Variants in FRY observed in about 807,000 individuals in gnomAD.
FRY encodes FRY microtubule binding protein, also known as protein furry homolog.
In FRY, 128 loss-of-function variants were observed where a neutral mutation model predicts 348.4. That is an observed-to-expected ratio of 0.37 (90% CI 0.32 to 0.43). The LOEUF (loss-of-function observed/expected upper bound fraction) is 0.43. FRY is among the 20% of genes least tolerant of loss of function. The pLI, the probability that FRY is intolerant of heterozygous loss-of-function variation, is 1.00. For synonymous variants in FRY, 1,370 were observed against 1,374.7 expected (o/e 1.00, Z 0.08); for missense variants, 2,736 against 3,695.2 (o/e 0.74, Z 6.73).
At chr13:32,244,248 C>G in intron 47 of FRY, 66 bp downstream of exon 47, 1 of 1,464,388 alleles carries the variant, frequency 6.8e-7, no homozygotes, top group Non-Finnish European at 9.6e-7. Context: ...TTTCCTGTAG[C>G]TTGGCTACAA....
chr13:32,267,676 C>T (rs553143956), intron 55 of FRY, among the ~76,000 whole-genome samples: 7 of 152,260 alleles, frequency 4.6e-5, no homozygotes, highest in Admixed American at 4.6e-4. Context: ...GGCCTATCCT[C>T]CATCCCACCC....
intron 36 of FRY, among the ~76,000 whole-genome samples, chr13:32,219,314 C>T (rs976231133): frequency 1.3e-5 from 2 of 149,136 alleles, no homozygotes; most frequent in African/African-American, 2.4e-5. Flanking sequence ...TGGTCTCGAT[C>T]TCCTGACCTC....
intron 20 of FRY, among the ~76,000 whole-genome samples, chr13:32,175,965 G>C (rs1365141493): frequency 6.6e-6 from 1 of 152,092 alleles, no homozygotes; most frequent in Non-Finnish European, 1.5e-5. Context: ...TACTTAATAT[G>C]TAACTTCTAT....
chr13:32,254,950 T>G (rs529992776), intron 51 of FRY, among the ~76,000 whole-genome samples: 10 of 152,292 alleles, frequency 6.6e-5, no homozygotes, highest in African/African-American at 2.2e-4. Context: ...TTCTAGACAC[T>G]GGAGCAGCCA....
chr13:32,092,939 A>G (rs374222714), intron 2 of FRY, among the ~76,000 whole-genome samples: 1 of 152,234 alleles, frequency 6.6e-6, no homozygotes. Context: ...AGATTTTAAC[A>G]GTGATGATAA....
At chr13:32,175,776 G>C in intron 20 of FRY, 144 bp downstream of exon 20, 2 of 652,106 alleles carry the variant, frequency 3.1e-6, no homozygotes, top group Non-Finnish European at 5.6e-6. Context: ...GATAAGACTA[G>C]TTTTTCAGAT....
chr13:32,201,615 T>C (rs1303721690), intron 29 of FRY, among the ~76,000 whole-genome samples: 1 of 126,240 alleles, frequency 7.9e-6, no homozygotes, highest in East Asian at 2.0e-4. Context: ...CACTTGTTGG[T>C]TTGCATTAAA....
In FRY at chr13:32,254,595, G is replaced by A. The variant is rs78899952; in HGVS notation, c.7416+201G>A. Among the ~76,000 whole-genome samples the A allele has an allele frequency of 4.2e-3, 644 of 152,104 alleles. 2 individuals are homozygous for A. Among genetic ancestry groups the A allele is most frequent in the African/African-American group, 0.015 (606 of 41,488 alleles). On this transcript the variant is annotated intron_variant, in intron 51 of 60. Transcript: ENST00000542859. ...CCACACCCTTCCTGTCTGAGCCCAC[G>A]GCAAAAGCTGCCAAGTTATTTCTAA...
Position 32,147,827 on chromosome 13 carries a change from C to T in FRY, c.1284-12C>T, listed in dbSNP as rs766026988. 2.6e-6 allele frequency: 4 copies of T among 1,515,500 alleles called. No homozygotes were observed. In the African/African-American group the frequency reaches 4.1e-5, roughly 16 times the overall value. 93.9% of individuals were successfully genotyped at this position (1,515,500 alleles called of 1,614,324 possible). A position where few individuals can be genotyped will look rare whatever the true frequency, so the allele number is the denominator to read the frequency against. ...ATCTTGCTTGTTTTCTCTTTTCCCC[C>T]TTATCTTTCAGCCGACTTATAACCA... On this transcript the variant is annotated splice_polypyrimidine_tract_variant and intron_variant, in intron 12 of 60. Coordinates refer to ENST00000542859, the MANE Select transcript of FRY (RefSeq NM_023037.3).
intron 17 of FRY, among the ~76,000 whole-genome samples, chr13:32,162,773 C>A (rs1881525029): frequency 6.6e-6 from 1 of 152,158 alleles, no homozygotes; most frequent in Non-Finnish European, 1.5e-5. Context: ...CAGCAGCCTT[C>A]CAGCCGTGGA....
At chr13:32,173,223 T>G (rs1327147109) in intron 18 of FRY, 144 bp from the exon 19 acceptor site, 1 of 626,594 alleles carries the variant, frequency 1.6e-6, no homozygotes, top group African/African-American at 1.8e-5. Context: ...AATAATAAAT[T>G]CATAGACATG....
intron 17 of FRY, among the ~76,000 whole-genome samples, chr13:32,161,735 C>G (rs1881454788): frequency 6.6e-6 from 1 of 152,144 alleles, no homozygotes; most frequent in Non-Finnish European, 1.5e-5. Flanking sequence ...CCCACAGACC[C>G]CCATGGGGAC....
intron 23 of FRY, among the ~76,000 whole-genome samples, chr13:32,181,487 G>A (rs567669728): frequency 1.2e-4 from 18 of 150,174 alleles, no homozygotes; most frequent in South Asian, 2.1e-4. Context: ...CCAGCTACTC[G>A]GGAGGCTGAG....
At chr13:32,031,999 CTCTTTCTTTCTT>C (rs11272632) in intron 1 of FRY, 134 bp downstream of exon 1, 1 of 611,596 alleles carries the variant, frequency 1.6e-6, no homozygotes, top group Admixed American at 3.0e-5. Context: ...CTTTTCTTTT[CTCTTTCTTTCTT>C]TCTTTCTTTC....
At chr13:32,157,232 T>A in intron 15 of FRY, 41 bp from the exon 16 acceptor site, 2 of 1,572,092 alleles carry the variant, frequency 1.3e-6, no homozygotes, top group Non-Finnish European at 1.7e-6. Context: ...TATCCTTTGA[T>A]AGATTCAGTT....
intron 29 of FRY, among the ~76,000 whole-genome samples, chr13:32,199,635 C>A (rs1883886693): frequency 6.6e-6 from 1 of 152,208 alleles, no homozygotes; most frequent in Non-Finnish European, 1.5e-5. Flanking sequence ...GCAAGCAACA[C>A]CAACTTGCAG....
At position 32,175,632 on chromosome 13, in the gene FRY, A is replaced by C; in HGVS notation, c.2421A>C (p.Ser807=). 5.2e-6 allele frequency: 8 copies of C among 1,539,994 alleles called. No individual in the cohort carries two copies. Among genetic ancestry groups the C allele is most frequent in the Non-Finnish European group, 7.2e-6 (8 of 1,112,456 alleles). Reference sequence around the variant, plus strand: ...TTATTCATGTAGCAGTTTCGGATTCAGTAAGTACACATTTGATTCCAATTA... The same window carrying C: ...TTATTCATGTAGCAGTTTCGGATTCCGTAAGTACACATTTGATTCCAATTA... ...ESFIHVAVSD[S]ATLPLTHNVD... is the part of the protein sequence containing the mutation. Residue 807 remains serine (S), a splice_region_variant and synonymous_variant, in exon 20 of 61, where the codon TCA becomes TCC. Transcript: ENST00000542859.
At chr13:32,048,926 T>C (rs770055076) in intron 1 of FRY, among the ~76,000 whole-genome samples, 1 of 152,210 alleles carries the variant, frequency 6.6e-6, no homozygotes, top group African/African-American at 2.4e-5. Flanking sequence ...TACCAATTAT[T>C]AAATGCTTAC....
At chr13:32,259,638 A>T (rs1292516766) in intron 51 of FRY, among the ~76,000 whole-genome samples, 2 of 152,082 alleles carry the variant, frequency 1.3e-5, no homozygotes, top group African/African-American at 2.4e-5. Flanking sequence ...CAGTTTTTTG[A>T]ATTTGTGTTT....
Sources: allele counts gnomAD v4.1 joint callset (sites outside exome capture counted in the v4.1 genomes callset), GRCh38; gene constraint gnomAD v4.1.1; transcripts MANE v1.5; gene names NCBI Gene and HGNC (gene_info 2026-07-23, HGNC 2026-07-21).